LGI1: variants seen among roughly 807,000 people sequenced by gnomAD.
The protein encoded by LGI1 is leucine-rich glioma-inactivated protein 1.
A neutral mutation model predicts 57.7 loss-of-function variants in LGI1; 11 were observed. The ratio of observed to expected loss-of-function variants is 0.19; its 90% CI spans 0.12 to 0.32. The LOEUF (loss-of-function observed/expected upper bound fraction) is 0.32. LGI1 is among the 10% of genes least tolerant of loss of function. The pLI is 1.00. For synonymous variants in LGI1, 222 were observed against 241.9 expected (o/e 0.92, Z 0.76); for missense variants, 422 against 661.9 (o/e 0.64, Z 3.98).
intron 2 of LGI1, chr10:93,769,310 T>C (rs2059710920): frequency 6.6e-6 from 1 of 152,186 alleles, no homozygotes; most frequent in Non-Finnish European, 1.5e-5. Context: ...CATATACATA[T>C]ACATATGCAA....
rs1008193551 is a variant in LGI1 at position 93,758,745 on chromosome 10, T to C, written c.216-15T>C. Reference sequence around the variant, plus strand: ...GTGTCTGTTTGTTTGTTTTCTCTTTTTTGTTTTCTTTCAGATCCTTTGTGA... The same window carrying C: ...GTGTCTGTTTGTTTGTTTTCTCTTTCTTGTTTTCTTTCAGATCCTTTGTGA... On this transcript the variant is annotated splice_polypyrimidine_tract_variant and intron_variant, in intron 1 of 7. Coordinates refer to ENST00000371418, the MANE Select transcript of LGI1 (RefSeq NM_005097.4). This position sits in a 1 kb window ranked among gnomAD's most constrained non-coding sequence, Gnocchi z 4.7. 2.5e-6 allele frequency: 4 copies of C among 1,598,298 alleles called. No homozygotes were observed. The African/African-American group carries it at 5.4e-5, about 21-fold the overall frequency.
At chr10:93,781,023 G>A (rs1258750883) in intron 4 of LGI1, among the ~76,000 whole-genome samples, 1 of 152,154 alleles carries the variant, frequency 6.6e-6, no homozygotes, top group Non-Finnish European at 1.5e-5. Context: ...ATACAGAGAT[G>A]TCAGTAGATT....
intron 4 of LGI1, among the ~76,000 whole-genome samples, chr10:93,783,370 C>T (rs1489699221): frequency 1.3e-5 from 2 of 152,122 alleles, no homozygotes; most frequent in African/African-American, 2.4e-5. Flanking sequence ...AGCGAGACTC[C>T]GTCTCCAATA....
At chr10:93,776,772 T>C (rs1237767729) in intron 2 of LGI1, 2 of 153,408 alleles carry the variant, frequency 1.3e-5, no homozygotes, top group African/African-American at 2.4e-5. Flanking sequence ...ATTGCAAATA[T>C]ATTTGTCCAA....
intron 7 of LGI1, 90 bp downstream of exon 7, chr10:93,793,440 T>G: frequency 8.8e-7 from 1 of 1,136,386 alleles, no homozygotes; most frequent in Non-Finnish European, 1.3e-6. Flanking sequence ...GGGGAATGCT[T>G]TAGCATTTGA....
intron 5 of LGI1, chr10:93,792,519 GGAGT>G: frequency 1.7e-6 from 1 of 604,276 alleles, no homozygotes; most frequent in South Asian, 1.9e-5. Flanking sequence ...AATTCAAGAG[GGAGT>G]AAGTGATGAG....
chr10:93,791,040 A>G (rs1455934484), intron 5 of LGI1: 2 of 152,256 alleles, frequency 1.3e-5, no homozygotes, highest in Non-Finnish European at 2.9e-5. Flanking sequence ...AGAAAATCTG[A>G]GTCAAGTACT....
intron 4 of LGI1, among the ~76,000 whole-genome samples, chr10:93,778,424 C>G (rs1228772731): frequency 6.6e-6 from 1 of 152,068 alleles, no homozygotes; most frequent in Non-Finnish European, 1.5e-5. Flanking sequence ...CACACACACT[C>G]TCACATACAC....
In LGI1 at chr10:93,797,876, C is replaced by A; in HGVS notation, c.*73C>A. The stretch of plus-strand genomic sequence containing the variant: ...CCCGGATGAACTCAATGCATGATGA[C>A]TCTTCTTATCACACTTGCAAATGAA... On this transcript the variant is annotated 3_prime_UTR_variant, in exon 8 of 8. Coordinates refer to ENST00000371418, the MANE Select transcript of LGI1 (RefSeq NM_005097.4). This position sits in a 1 kb window ranked among gnomAD's most constrained non-coding sequence, Gnocchi z 6.5. 1.0e-6 allele frequency: 1 copy of A among 1,001,320 alleles called. No homozygotes were observed. The highest frequency in any genetic ancestry group is 1.6e-6 in the Non-Finnish European group (1 of 635,394). 62.0% of individuals were successfully genotyped at this position (1,001,320 alleles called of 1,614,324 possible).
chr10:93,796,952 C>T lies in LGI1; in HGVS notation c.839-16C>T. The T allele has an allele frequency of 6.3e-7, 1 of 1,596,814 alleles. No homozygotes were observed. Among genetic ancestry groups the T allele is most frequent in the Non-Finnish European group, 8.6e-7 (1 of 1,165,438 alleles). ...AGGATGGCCACACAACTAATCTCTC[C>T]TTTGTCTTTTCCCAGGCACATCCAC... On this transcript the variant is annotated splice_polypyrimidine_tract_variant and intron_variant, in intron 7 of 7. Coordinates refer to ENST00000371418, the MANE Select transcript of LGI1 (RefSeq NM_005097.4).
intron 5 of LGI1, chr10:93,792,403 C>T (rs1175969507): frequency 8.1e-6 from 2 of 247,888 alleles, no homozygotes; most frequent in Non-Finnish European, 1.6e-5. Context: ...TGAATTATAC[C>T]TGCTTCTTTT....
intron 2 of LGI1, among the ~76,000 whole-genome samples, chr10:93,761,072 T>C (rs1282635392): frequency 2.6e-5 from 4 of 152,164 alleles, no homozygotes; most frequent in African/African-American, 9.6e-5. Flanking sequence ...AAAGGTCTAA[T>C]AAACTCATGT....
chr10:93,770,236 T>C (rs565339315), intron 2 of LGI1: 1 of 152,358 alleles, frequency 6.6e-6, no homozygotes, highest in African/African-American at 2.4e-5. Context: ...AGAAAAGTGG[T>C]ATGCTCTAGG....
In LGI1 at chr10:93,758,705, T is replaced by C. The variant is rs143132529; in HGVS notation, c.216-55T>C. 9,910 of 1,210,304 alleles carry C rather than the reference T, an allele frequency of 8.2e-3. 50 individuals are homozygous for C. The highest frequency in any genetic ancestry group is 0.017 in the Middle Eastern group (80 of 4,766). The allele number at this position is 1,210,304 out of a possible 1,614,324, so 75.0% of individuals were successfully genotyped here. A position where few individuals can be genotyped will look rare whatever the true frequency, so the allele number is the denominator to read the frequency against. On this transcript the variant is annotated intron_variant, in intron 1 of 7. Coordinates refer to ENST00000371418, the MANE Select transcript of LGI1 (RefSeq NM_005097.4). The surrounding 1 kb of genome is among the most constrained non-coding windows in gnomAD (Gnocchi z 4.7). ...TAACATAAGGTTTGTTCTGTGTGTGTGTGTCTCTTTGTGTGTGTCTGTTTG... is the reference window on the plus strand; with the variant it reads ...TAACATAAGGTTTGTTCTGTGTGTGCGTGTCTCTTTGTGTGTGTCTGTTTG...
chr10:93,793,118 A>G, intron 6 of LGI1, 68 bp from the exon 7 acceptor site: 1 of 1,354,894 alleles, frequency 7.4e-7, no homozygotes, highest in Non-Finnish European at 1.0e-6. Context: ...ATTTCTTGTG[A>G]ATATTTAAGA....
At chr10:93,769,189 G>T (rs1269663797) in intron 2 of LGI1, 1 of 152,118 alleles carries the variant, frequency 6.6e-6, no homozygotes, top group Non-Finnish European at 1.5e-5. Context: ...AAAACCAAAG[G>T]GTTTGGATCA....
intron 2 of LGI1, among the ~76,000 whole-genome samples, chr10:93,766,085 T>C (rs1267459094): frequency 6.6e-6 from 1 of 152,032 alleles, no homozygotes; most frequent in East Asian, 1.9e-4. Context: ...TGTTATAAGG[T>C]TATTAATACA....
intron 4 of LGI1, among the ~76,000 whole-genome samples, chr10:93,782,099 A>G (rs757264409): frequency 1.3e-5 from 2 of 152,214 alleles, no homozygotes; most frequent in Non-Finnish European, 2.9e-5. Flanking sequence ...GCCTGGGTTC[A>G]ACTGTCTCTC....
In LGI1 at chr10:93,757,973, T is replaced by C. The variant is rs565741397; in HGVS notation, c.-172T>C. Reference sequence around the variant, plus strand: ...AGGTCTCTTCCCCCGAGCAGTGCATTGCTGGAGCGAGGAGAAGCTCACGAA... The same window carrying C: ...AGGTCTCTTCCCCCGAGCAGTGCATCGCTGGAGCGAGGAGAAGCTCACGAA... On this transcript the variant is annotated 5_prime_UTR_variant, in exon 1 of 8. Coordinates refer to ENST00000371418, the MANE Select transcript of LGI1 (RefSeq NM_005097.4). The C allele has an allele frequency of 8.8e-6, 6 of 682,504 alleles. No individual in the cohort carries two copies. Among genetic ancestry groups the C allele is most frequent in the Non-Finnish European group, 1.6e-5 (6 of 380,372 alleles). 42.3% of individuals were successfully genotyped at this position (682,504 alleles called of 1,614,324 possible).
Sources: allele counts gnomAD v4.1 joint callset (sites outside exome capture counted in the v4.1 genomes callset), GRCh38; gene constraint gnomAD v4.1.1; non-coding constraint Gnocchi (gnomAD v3.1); transcripts MANE v1.5; gene names NCBI Gene and HGNC (gene_info 2026-07-23, HGNC 2026-07-21).